PRICKLE2: variants seen among roughly 807,000 people sequenced by gnomAD.
PRICKLE2 encodes prickle-like protein 2.
Under a neutral mutation model 81.4 loss-of-function variants are expected in PRICKLE2, and 21 were observed. The ratio of observed to expected loss-of-function variants is 0.26; its 90% CI spans 0.18 to 0.37. The LOEUF (loss-of-function observed/expected upper bound fraction) is 0.37, where lower values mean the gene tolerates loss of function less well. Among genes scored for constraint, PRICKLE2 ranks in the 10% least tolerant of loss-of-function variants. The pLI is 1.00. For synonymous variants in PRICKLE2, 456 were observed against 421.5 expected (o/e 1.08, Z -1.00); for missense variants, 940 against 1,109.0 (o/e 0.85, Z 2.16).
At chr3:64,156,430 G>C (rs989360864) in intron 5 of PRICKLE2, among the ~76,000 whole-genome samples, 2 of 152,200 alleles carry the variant, frequency 1.3e-5, no homozygotes, top group Non-Finnish European at 2.9e-5. Context: ...CCTCTGTCTA[G>C]GACTTTTACC....
intron 2 of PRICKLE2, among the ~76,000 whole-genome samples, chr3:64,197,537 G>C (rs1228836632): frequency 6.6e-6 from 1 of 152,130 alleles, no homozygotes; most frequent in Admixed American, 6.6e-5. Context: ...AAAAGTACAA[G>C]ATCATATCCT....
At chr3:64,240,541 T>C (rs1221306467) in intron 2 of PRICKLE2, among the ~76,000 whole-genome samples, 3 of 152,158 alleles carry the variant, frequency 2.0e-5, no homozygotes, top group Non-Finnish European at 4.4e-5. Context: ...GTGTGGGCTA[T>C]GAAATGCCTC....
intron 2 of PRICKLE2, among the ~76,000 whole-genome samples, chr3:64,177,627 G>A (rs57922906): frequency 0.22 from 33,307 of 151,876 alleles, 3,966 homozygotes; most frequent in African/African-American, 0.27. Flanking sequence ...GTCTCTATGA[G>A]TCTGCCTAGT....
In PRICKLE2 at chr3:64,147,717, G is replaced by A. The variant is rs749524263; in HGVS notation, c.788-15C>T. 2.5e-6 allele frequency: 4 copies of A among 1,613,314 alleles called. No individual in the cohort carries two copies. Among genetic ancestry groups the A allele is most frequent in the Non-Finnish European group, 3.4e-6 (4 of 1,179,976 alleles). On this transcript the variant is annotated splice_polypyrimidine_tract_variant and intron_variant, in intron 6 of 7. Coordinates refer to ENST00000638394, the MANE Select transcript of PRICKLE2 (RefSeq NM_198859.4). The surrounding 1 kb of genome is among the most constrained non-coding windows in gnomAD (Gnocchi z 5.0). ...TTGGTCGATACCTAAAAAAATGAGA[G>A]ACATTGGAGAGGCTGATGAGCTGCT...
rs1553644768 is a variant in PRICKLE2 at position 64,157,181 on chromosome 3, C to T, written c.581G>A (p.Arg194His). The part of the protein sequence containing the change: ...GRHHAECLKP[R>H]CAACDEIIFA... ...TCTAACCTCATCGCAGGCAGCACAGCGCGGCTTCAGGCACTCAGCATGGTG... is the reference window on the plus strand; with the variant it reads ...TCTAACCTCATCGCAGGCAGCACAGTGCGGCTTCAGGCACTCAGCATGGTG... The change falls in exon 5 of 8, where the codon CGC becomes CAC. Residue 194 changes from arginine to histidine, a missense_variant. Around this residue, in one of 2 missense-constraint regions of PRICKLE2, gnomAD observed 270 missense variants for 391.8 expected, o/e 0.69. Transcript: ENST00000638394. 1 of 1,614,108 alleles carries T rather than the reference C, an allele frequency of 6.2e-7. No individual in the cohort carries two copies. Among genetic ancestry groups the T allele is most frequent in the Non-Finnish European group, 8.5e-7 (1 of 1,179,956 alleles).
At chr3:64,239,100 T>G (rs2079224213) in intron 2 of PRICKLE2, among the ~76,000 whole-genome samples, 1 of 152,108 alleles carries the variant, frequency 6.6e-6, no homozygotes, top group South Asian at 2.1e-4. Flanking sequence ...CCTTGGCGAA[T>G]TATTTAGCAC....
chr3:64,092,623 A>C lies in PRICKLE2; in HGVS notation c.*6428T>G, dbSNP rs2076523051. The C allele has an allele frequency of 6.6e-6, 1 of 152,246 alleles. No individual in the cohort carries two copies. Among genetic ancestry groups the C allele is most frequent in the Admixed American group, 6.5e-5 (1 of 15,282 alleles). 9.4% of individuals were successfully genotyped at this position (152,246 alleles called of 1,614,324 possible). ...AGTCAGTGTTAATGCTGCCCTAACCAGAACACAGACATGGATGTAATTCTC... is the reference window on the plus strand; with the variant it reads ...AGTCAGTGTTAATGCTGCCCTAACCCGAACACAGACATGGATGTAATTCTC... On this transcript the variant is annotated 3_prime_UTR_variant, in exon 8 of 8. Coordinates refer to ENST00000638394, the MANE Select transcript of PRICKLE2 (RefSeq NM_198859.4).
chr3:64,207,709 A>G (rs577341265), intron 1 of PRICKLE2, among the ~76,000 whole-genome samples: 89 of 152,214 alleles, frequency 5.8e-4, no homozygotes, highest in Admixed American at 1.2e-3. Context: ...TCACAGAGTT[A>G]AAAGTTAGGT....
intron 2 of PRICKLE2, among the ~76,000 whole-genome samples, chr3:64,244,407 A>G (rs2079314877): frequency 6.6e-6 from 1 of 152,226 alleles, no homozygotes; most frequent in Non-Finnish European, 1.5e-5. Context: ...TAACTGATGC[A>G]ATAATTAGTC....
intron 7 of PRICKLE2, chr3:64,100,726 C>T (rs1196474051): frequency 6.6e-6 from 1 of 152,226 alleles, no homozygotes; most frequent in African/African-American, 2.4e-5. Context: ...CAAATGAGCT[C>T]TTGGCATCCC....
At chr3:64,186,974 G>C (rs1379684210) in intron 2 of PRICKLE2, among the ~76,000 whole-genome samples, 1 of 152,216 alleles carries the variant, frequency 6.6e-6, no homozygotes, top group Non-Finnish European at 1.5e-5. Flanking sequence ...CCAAACTTTA[G>C]GACCCCAGAG....
At chr3:64,265,524 G>C (rs951209131) in intron 2 of PRICKLE2, among the ~76,000 whole-genome samples, 1 of 152,176 alleles carries the variant, frequency 6.6e-6, no homozygotes, top group Non-Finnish European at 1.5e-5. Context: ...GGGGAGCACA[G>C]CATCTCTGAG....
rs192644311 is a variant in PRICKLE2, at chr3:64,248,525, G to A, written c.129-49558C>T. On this transcript the variant is annotated intron_variant, in intron 2 of 8. Transcript: ENST00000295902. ...CAGCCTTTCTAGCTGTCAAGAAGGT[G>A]GTGACTTGAACCACAGATCAATCAC... Among the ~76,000 whole-genome samples, 7 of 152,174 alleles carry A rather than the reference G, an allele frequency of 4.6e-5. No individual in the cohort carries two copies. In the East Asian group the frequency reaches 9.7e-4, roughly 21 times the overall value.
chr3:64,118,607 C>T (rs2076976977), intron 7 of PRICKLE2, among the ~76,000 whole-genome samples: 2 of 152,148 alleles, frequency 1.3e-5, no homozygotes, highest in Non-Finnish European at 2.9e-5. Flanking sequence ...CTCAACATCA[C>T]TGATAATTAG....
chr3:64,141,722 TGAC>T, intron 7 of PRICKLE2: 1 of 821,180 alleles, frequency 1.2e-6, no homozygotes, highest in Non-Finnish European at 1.5e-6. Flanking sequence ...GATCTGAGGC[TGAC>T]AAGCCAGTGC....
intron 2 of PRICKLE2, among the ~76,000 whole-genome samples, chr3:64,260,901 T>C (rs772136032): frequency 3.7e-4 from 56 of 152,052 alleles, no homozygotes; most frequent in African/African-American, 1.1e-3. Context: ...TTTGTGGGAG[T>C]TGTAGTAGAT....
At chr3:64,104,748 C>T (rs1401124710) in intron 7 of PRICKLE2, 2 of 152,240 alleles carry the variant, frequency 1.3e-5, no homozygotes, top group African/African-American at 4.8e-5. Context: ...GCCATTCATT[C>T]CCCTGGACTA....
chr3:64,158,807 C>A (rs369604125), intron 4 of PRICKLE2, among the ~76,000 whole-genome samples: 4 of 152,194 alleles, frequency 2.6e-5, no homozygotes, highest in African/African-American at 9.6e-5. Flanking sequence ...AATTAGCTAC[C>A]CCATCCCATA....
intron 1 of PRICKLE2, among the ~76,000 whole-genome samples, chr3:64,211,078 G>T (rs1184460119): frequency 6.6e-6 from 1 of 152,136 alleles, no homozygotes; most frequent in Admixed American, 6.5e-5. Flanking sequence ...GAGAGTCAAG[G>T]AAGTAGGGGT....
Sources: gnomAD v4.1 joint callset for allele counts (sites outside exome capture counted in the v4.1 genomes callset) on GRCh38, gnomAD v4.1.1 for gene constraint, gnomAD v4.1.1 regional missense constraint, Gnocchi (gnomAD v3.1) non-coding constraint, MANE v1.5 for transcripts, NCBI Gene and HGNC (gene_info 2026-07-23, HGNC 2026-07-21) for gene names.